The following C20orf96 variants were observed in gnomAD, a reference collection of about 807,000 sequenced individuals.
C20orf96 encodes chromosome 20 open reading frame 96.
C20orf96 carries 57 observed loss-of-function variants against 52.6 expected under a neutral mutation model. That is an observed-to-expected ratio of 1.08 (90% confidence interval 0.88 to 1.35). C20orf96 has a LOEUF of 1.35. Among genes scored for constraint, C20orf96 ranks in the 40% most tolerant of loss-of-function variants. The pLI is 0.00. For missense variants in C20orf96, 478 were observed against 443.6 expected, an observed-to-expected ratio of 1.08 and a Z score of -0.70; for synonymous variants, 168 against 157.2, an observed-to-expected ratio of 1.07 and a Z score of -0.51.
chr20:279,251 A>G lies in C20orf96; in HGVS notation c.386T>C (p.Leu129Pro). Residue 129 changes from leucine (L) to proline (P), a missense_variant, in exon 5 of 11, where the codon CTG (leucine) becomes CCG (proline). By Grantham distance (98) the Leu-to-Pro change is moderately conservative (BLOSUM62 -3). Coordinates refer to ENST00000360321, the MANE Select transcript of C20orf96 (RefSeq NM_153269.3). ...CTCCATCTCCTGGATGGTCTCGATC[A>G]GCTCCCGGTTGAGCTTGCTGAGGAA... Reference protein sequence around the residue: ...ENFLSKLNRELIETIQEMENS... With the variant: ...ENFLSKLNREPIETIQEMENS... The G allele has an allele frequency of 6.2e-7, 1 of 1,611,122 alleles. No individual in the cohort carries two copies. The highest frequency in any genetic ancestry group is 1.1e-5 in the South Asian group (1 of 91,056).
chr20:283,815 A>G (rs144427124), intron 4 of C20orf96, 148 bp downstream of exon 4: 1 of 611,604 alleles, frequency 1.6e-6, no homozygotes, highest in African/African-American at 1.8e-5. Flanking sequence ...TTTGTAAAAT[A>G]GGAACAAGGA....
In C20orf96 at chr20:271,270, G is replaced by T; in HGVS notation, c.1032-3C>A. ...TGACATCCATGTCTGGGGTGCACCTGGTGGGAGGCAGCACAGAAGGCCATG... is the reference window on the plus strand; with the variant it reads ...TGACATCCATGTCTGGGGTGCACCTTGTGGGAGGCAGCACAGAAGGCCATG... On this transcript the variant is annotated splice_polypyrimidine_tract_variant and splice_region_variant and intron_variant, in intron 10 of 10. Transcript: ENST00000360321. The T allele has an allele frequency of 6.4e-7, 1 of 1,552,800 alleles. No homozygotes were observed. The highest frequency in any genetic ancestry group is 8.7e-7 in the Non-Finnish European group (1 of 1,147,698).
Position 279,401 on chromosome 20 carries a change from A to C in C20orf96, c.307-71T>G. The stretch of plus-strand genomic sequence containing the variant: ...GGCCTGAGCCCCCGAAAGCCCGTGG[A>C]CCCGCCGCCCCGGCCCCGCCAGACG... On this transcript the variant is annotated intron_variant, in intron 4 of 10. Coordinates refer to ENST00000360321, the MANE Select transcript of C20orf96 (RefSeq NM_153269.3). 3.4e-6 allele frequency: 5 copies of C among 1,481,732 alleles called. No individual in the cohort carries two copies. The South Asian group carries it at 5.0e-5, about 15-fold the overall frequency. The allele number at this position is 1,481,732 out of a possible 1,614,324, so 91.8% of individuals were successfully genotyped here. A position where few individuals can be genotyped will look rare whatever the true frequency, so the allele number is the denominator to read the frequency against.
At position 276,029 on chromosome 20, in the gene C20orf96, G is replaced by C; in HGVS notation, c.970C>G (p.Gln324Glu). 1 of 1,614,176 alleles carries C rather than the reference G, an allele frequency of 6.2e-7. No homozygotes were observed. Among genetic ancestry groups the C allele is most frequent in the South Asian group, 1.1e-5 (1 of 91,082 alleles). ...PVLRAEVEEL[Q>E]AQTREPREVI... ...TCTCGGGGTTCCCGGGTCTGGGCTTGGAGCTCTTCCACCTCGGCCCTTAAT... is the reference window on the plus strand; with the variant it reads ...TCTCGGGGTTCCCGGGTCTGGGCTTCGAGCTCTTCCACCTCGGCCCTTAAT... The change falls in exon 10 of 11, where the codon CAA becomes GAA. Residue 324 changes from glutamine to glutamate, a missense_variant. Coordinates refer to ENST00000360321, the MANE Select transcript of C20orf96 (RefSeq NM_153269.3).
chr20:290,139 G>T (rs2012499281), intron 2 of C20orf96, 120 bp downstream of exon 2: 7 of 733,426 alleles, frequency 9.5e-6, no homozygotes, highest in Middle Eastern at 6.5e-4. Context: ...GACCCGGCTG[G>T]GACTGGAATT....
At chr20:284,839 A>C (rs2012342204) in intron 3 of C20orf96, among the ~76,000 whole-genome samples, 1 of 152,228 alleles carries the variant, frequency 6.6e-6, no homozygotes, top group East Asian at 1.9e-4. Context: ...CCTGGGTGAC[A>C]GAGACTCTAT....
intron 4 of C20orf96, among the ~76,000 whole-genome samples, chr20:280,755 T>G (rs545969282): frequency 7.2e-5 from 11 of 152,216 alleles, no homozygotes; most frequent in Non-Finnish European, 1.6e-4. Context: ...CTCAGCCACT[T>G]ACCATCTAAG....
chr20:286,329 G>A (rs573975740), intron 3 of C20orf96, among the ~76,000 whole-genome samples: 2 of 151,752 alleles, frequency 1.3e-5, no homozygotes, highest in African/African-American at 4.8e-5. Context: ...TCAGCCTGGC[G>A]AACATGGTGA....
chr20:285,241 A>G (rs2012353886), intron 3 of C20orf96, among the ~76,000 whole-genome samples: 1 of 152,204 alleles, frequency 6.6e-6, no homozygotes, highest in Admixed American at 6.5e-5. Flanking sequence ...TGGGGGGCAT[A>G]TTCTCAGAAT....
intron 5 of C20orf96, among the ~76,000 whole-genome samples, chr20:278,931 G>C (rs1455046239): frequency 1.2e-4 from 3 of 24,044 alleles, no homozygotes; most frequent in Non-Finnish European, 1.4e-4. Flanking sequence ...GCGAGTGCGC[G>C]GAGGGAGGGC....
At chr20:276,498 C>T in intron 9 of C20orf96, 1 of 985,392 alleles carries the variant, frequency 1.0e-6, no homozygotes, top group Non-Finnish European at 1.2e-6. Context: ...TAACAAGAAT[C>T]AAGGGGTAAA....
rs193010658 is a variant in C20orf96, at chr20:286,488, G to C, written c.188-2407C>G. ...GCTGAGATCACACCACTGTACTCCAGCCTGGGTAAGAGAGACAGAGAGAGA... is the reference window on the plus strand; with the variant it reads ...GCTGAGATCACACCACTGTACTCCACCCTGGGTAAGAGAGACAGAGAGAGA... On this transcript the variant is annotated intron_variant, in intron 3 of 10. Transcript: ENST00000360321. Among the ~76,000 whole-genome samples the C allele has an allele frequency of 1.9e-3, 285 of 151,150 alleles. 2 individuals carry two copies. The highest frequency in any genetic ancestry group is 6.6e-3 in the African/African-American group (272 of 41,054).
chr20:289,709 T>A, intron 2 of C20orf96, 33 bp from the exon 3 acceptor site: 1 of 1,522,692 alleles, frequency 6.6e-7, no homozygotes, highest in East Asian at 2.3e-5. Flanking sequence ...CATAGCACCA[T>A]GAGTTTATAT....
rs545531596 is a variant in C20orf96 at position 284,159 on chromosome 20, T to G, written c.188-78A>C. On this transcript the variant is annotated intron_variant, in intron 3 of 10. Transcript: ENST00000360321. ...AGGCCAGGTTCCCGGGAGTGCACCA[T>G]TAATGAGAGGAGGGCCAGACCCCAG... 157 of 1,045,878 alleles carry G rather than the reference T, an allele frequency of 1.5e-4. No individual in the cohort carries two copies. The African/African-American group carries it at 2.1e-3, about 14-fold the overall frequency. 64.8% of individuals were successfully genotyped at this position (1,045,878 alleles called of 1,614,324 possible).
rs3827147 is a variant in C20orf96 at position 276,086 on chromosome 20, T to A, written c.913A>T (p.Ile305Phe). 0.61 allele frequency: 984,910 copies of A among 1,613,554 alleles called. 302,197 individuals are homozygous for A. Among genetic ancestry groups the A allele is most frequent in the African/African-American group, 0.72 (53,569 of 74,868 alleles). ...FLKCMQRFREIIDQFEENMPV... is the reference protein window; with the variant it reads ...FLKCMQRFREFIDQFEENMPV... ...ATGTTCTCCTCAAACTGGTCAATAA[T>A]CTGAGAGGAAAGGCACAGCAGGGGA... The change falls in exon 10 of 11, where the codon ATT becomes TTT. Residue 305 changes from isoleucine (I) to phenylalanine (F), a missense_variant and splice_region_variant. Transcript: ENST00000360321.
chr20:286,182 T>C (rs1169152742), intron 3 of C20orf96, among the ~76,000 whole-genome samples: 1 of 152,184 alleles, frequency 6.6e-6, no homozygotes, highest in African/African-American at 2.4e-5. Context: ...AATTAAATCT[T>C]TTATTACAAG....
intron 4 of C20orf96, 47 bp downstream of exon 4, chr20:283,916 C>T: frequency 7.5e-7 from 1 of 1,340,936 alleles, no homozygotes. Context: ...AGCCATCATC[C>T]CCGTCCCTGT....
intron 3 of C20orf96, among the ~76,000 whole-genome samples, chr20:288,649 A>G (rs1324981031): frequency 6.6e-6 from 1 of 152,126 alleles, no homozygotes; most frequent in Non-Finnish European, 1.5e-5. Flanking sequence ...TAAGGTAGTG[A>G]GATGCAGGGC....
At chr20:277,195 T>G in intron 7 of C20orf96, 31 bp downstream of exon 7, 1 of 1,613,354 alleles carries the variant, frequency 6.2e-7, no homozygotes, top group Non-Finnish European at 8.5e-7. Flanking sequence ...TCCCACACAG[T>G]CTGGTGGGAG....
Sources: allele counts gnomAD v4.1 joint callset (sites outside exome capture counted in the v4.1 genomes callset), GRCh38; gene constraint gnomAD v4.1.1; transcripts MANE v1.5; gene names NCBI Gene and HGNC (gene_info 2026-07-23, HGNC 2026-07-21).